ARMC9: variants seen among roughly 807,000 people sequenced by gnomAD.
ARMC9 encodes armadillo repeat containing 9.
A neutral mutation model predicts 107.0 loss-of-function variants in ARMC9; 94 were observed. The ratio of observed to expected loss-of-function variants is 0.88; its 90% CI spans 0.74 to 1.04. ARMC9 has a LOEUF of 1.04. ARMC9 is among the 50% of genes least tolerant of loss of function. ARMC9 has a pLI of 0.00. For synonymous variants in ARMC9, 380 were observed against 396.9 expected, an observed-to-expected ratio of 0.96 and a Z score of 0.51; for missense variants, 942 against 1,030.1, an observed-to-expected ratio of 0.91 and a Z score of 1.17.
At chr2:231,262,509 T>C in intron 12 of ARMC9, 111 bp downstream of exon 12, 1 of 1,053,382 alleles carries the variant, frequency 9.5e-7, no homozygotes. Flanking sequence ...TTCGTAACTG[T>C]ATGTCAGCCT....
intron 21 of ARMC9, among the ~76,000 whole-genome samples, chr2:231,345,747 T>C (rs540123534): frequency 7.9e-5 from 12 of 152,306 alleles, no homozygotes; most frequent in African/African-American, 2.9e-4. Context: ...AGCAAAATAT[T>C]ACAGAGAGCA....
At chr2:231,348,445 A>G (rs905616393) in intron 21 of ARMC9, among the ~76,000 whole-genome samples, 5 of 152,344 alleles carry the variant, frequency 3.3e-5, no homozygotes, top group Admixed American at 2.6e-4. Flanking sequence ...GTTTTCAGTC[A>G]CTAAGTTTGT....
At chr2:231,296,006 C>T in intron 18 of ARMC9, 192 bp from the exon 19 acceptor site, 1 of 402,898 alleles carries the variant, frequency 2.5e-6, no homozygotes, top group Non-Finnish European at 4.4e-6. Context: ...GAGAGATTTA[C>T]TATTTAAAAT....
intron 5 of ARMC9, among the ~76,000 whole-genome samples, chr2:231,219,405 A>G (rs542515026): frequency 5.9e-5 from 9 of 152,240 alleles, no homozygotes; most frequent in Non-Finnish European, 1.2e-4. Flanking sequence ...GCTTTCTCAG[A>G]TAGGATTAGA....
intron 23 of ARMC9, among the ~76,000 whole-genome samples, chr2:231,363,907 AAAAGCCC>A (rs1304835111): frequency 1.1e-4 from 16 of 151,030 alleles, no homozygotes; most frequent in Middle Eastern, 3.4e-3. Flanking sequence ...AAAAAAAAAA[AAAAGCCC>A]AGACCCTACA....
intron 17 of ARMC9, among the ~76,000 whole-genome samples, chr2:231,286,430 A>G (rs1261774967): frequency 1.3e-5 from 2 of 152,148 alleles, no homozygotes; most frequent in African/African-American, 4.8e-5. Flanking sequence ...TGGTATTTGT[A>G]TGTGTGTCAG....
At chr2:231,268,714 A>G (rs1349115970) in intron 12 of ARMC9, among the ~76,000 whole-genome samples, 1 of 152,186 alleles carries the variant, frequency 6.6e-6, no homozygotes, top group Non-Finnish European at 1.5e-5. Flanking sequence ...ATTTTCCTTC[A>G]GAATTTTGAA....
intron 13 of ARMC9, 37 bp from the exon 14 acceptor site, chr2:231,272,916 TTC>T (rs1328068752): frequency 1.9e-6 from 3 of 1,601,288 alleles, no homozygotes; most frequent in East Asian, 2.2e-5. Context: ...GATAAATTAT[TTC>T]TGTCTTTCAC....
At chr2:231,307,670 G>A (rs1409465051) in intron 19 of ARMC9, among the ~76,000 whole-genome samples, 1 of 152,088 alleles carries the variant, frequency 6.6e-6, no homozygotes, top group East Asian at 1.9e-4. Flanking sequence ...ACCTTACATG[G>A]CCCCAAACCC....
chr2:231,255,444 C>T lies in ARMC9; in HGVS notation c.880-1142C>T, dbSNP rs1158341722. ...AATGATTCATATTGCTTTTGTTCTT[C>T]ACAATGTATTTAACTAGGCAGTTTG... On this transcript the variant is annotated intron_variant, in intron 9 of 24. Transcript: ENST00000611582. This position sits in a 1 kb window ranked among gnomAD's most constrained non-coding sequence, Gnocchi z 4.7. Among the ~76,000 whole-genome samples, 1 of 152,134 alleles carries T rather than the reference C, an allele frequency of 6.6e-6. No individual in the cohort carries two copies. The highest frequency in any genetic ancestry group is 1.5e-5 in the Non-Finnish European group (1 of 68,032).
intron 20 of ARMC9, among the ~76,000 whole-genome samples, chr2:231,333,292 A>G (rs940334386): frequency 3.9e-5 from 6 of 152,194 alleles, no homozygotes; most frequent in African/African-American, 1.4e-4. Context: ...TGGAGGTGAG[A>G]GCAAGGAAGT....
chr2:231,296,236 G>T lies in ARMC9; in HGVS notation c.1756G>T (p.Glu586Ter). 1 of 1,613,400 alleles carries T rather than the reference G, an allele frequency of 6.2e-7. No individual in the cohort carries two copies. The highest frequency in any genetic ancestry group is 1.1e-5 in the South Asian group (1 of 90,956). The change falls in exon 19 of 25, where the codon GAA becomes TAA. Residue 586 changes from glutamate (E) to a stop codon, truncating the protein, a stop_gained. Transcript: ENST00000611582. LOFTEE classifies it high-confidence loss of function. The part of the protein sequence containing the change: ...PDGVLESDDD[E>*]DEDDEEDHDI... ...TGGTGTTCTTGAATCTGATGATGAT[G>T]AAGATGAAGATGATGAAGTAAGTTG... is the stretch of plus-strand genomic sequence containing the variant.
At position 231,262,253 on chromosome 2, in the gene ARMC9, T is replaced by G. The variant is rs997722693; in HGVS notation, c.1027-53T>G. ...CTAAAACACACCTGCTATGAGAAAC[T>G]TTTCTCCATGATAAGACTTAGGTCT... On this transcript the variant is annotated intron_variant, in intron 11 of 24. Coordinates refer to ENST00000611582, the MANE Select transcript of ARMC9 (RefSeq NM_001352754.2). The G allele has an allele frequency of 2.6e-6, 4 of 1,566,174 alleles. No homozygotes were observed. In the African/African-American group the frequency reaches 4.1e-5, roughly 16 times the overall value.
At chr2:231,215,190 G>T in intron 4 of ARMC9, 189 bp downstream of exon 4, 1 of 581,272 alleles carries the variant, frequency 1.7e-6, no homozygotes, top group South Asian at 3.5e-5. Context: ...TAATTTCTAT[G>T]GAGATTTAAT....
chr2:231,358,978 T>C lies in ARMC9; in HGVS notation c.2132-1776T>C, dbSNP rs2045452816. ...TTAAAATGCCCAGCCCTGTCTGAAA[T>C]GGACCAGCAGGCAAGAGATACTACT... On this transcript the variant is annotated intron_variant, in intron 22 of 24. Transcript: ENST00000611582. This position sits in a 1 kb window ranked among gnomAD's most constrained non-coding sequence, Gnocchi z 4.5. Among the ~76,000 whole-genome samples, 1 of 151,882 alleles carries C rather than the reference T, an allele frequency of 6.6e-6. No individual in the cohort carries two copies. Among genetic ancestry groups the C allele is most frequent in the Non-Finnish European group, 1.5e-5 (1 of 68,020 alleles).
chr2:231,344,686 TC>T (rs2044709750), intron 20 of ARMC9, among the ~76,000 whole-genome samples: 1 of 152,234 alleles, frequency 6.6e-6, no homozygotes, highest in African/African-American at 2.4e-5. Flanking sequence ...CCAGTCCTTT[TC>T]AGAGATGTGA....
intron 3 of ARMC9, among the ~76,000 whole-genome samples, chr2:231,209,996 C>T (rs572587525): frequency 1.3e-5 from 2 of 152,220 alleles, no homozygotes; most frequent in Non-Finnish European, 2.9e-5. Context: ...ATTATTTTAA[C>T]AGATTTTTAA....
chr2:231,267,545 A>T (rs535511400), intron 12 of ARMC9, among the ~76,000 whole-genome samples: 3 of 152,278 alleles, frequency 2.0e-5, no homozygotes, highest in South Asian at 4.2e-4. Flanking sequence ...AGCAATATTT[A>T]TGCCTAAGGG....
At chr2:231,245,005 C>T (rs1344071952) in intron 9 of ARMC9, among the ~76,000 whole-genome samples, 1 of 152,218 alleles carries the variant, frequency 6.6e-6, no homozygotes, top group African/African-American at 2.4e-5. Context: ...GTTCTGCCCT[C>T]ACCTAGTTCA....
Sources: gnomAD v4.1 joint callset for allele counts (sites outside exome capture counted in the v4.1 genomes callset) on GRCh38, gnomAD v4.1.1 for gene constraint, Gnocchi (gnomAD v3.1) non-coding constraint, MANE v1.5 for transcripts, NCBI Gene and HGNC (gene_info 2026-07-23, HGNC 2026-07-21) for gene names.